Variants in KIAA1958 observed in about 807,000 individuals in gnomAD.
The protein encoded by KIAA1958 is uncharacterized protein KIAA1958.
A neutral mutation model predicts 47.2 loss-of-function variants in KIAA1958; 14 were observed. The ratio of observed to expected loss-of-function variants is 0.30; its 90% CI spans 0.20 to 0.46. The LOEUF (loss-of-function observed/expected upper bound fraction) is 0.46. Ranked by LOEUF, KIAA1958 falls within the 20% of genes least tolerant of loss-of-function variation. The pLI, the probability that KIAA1958 is intolerant of heterozygous loss-of-function variation, is 1.00. For missense variants in KIAA1958, 803 were observed against 909.2 expected, an observed-to-expected ratio of 0.88 and a Z score of 1.50; for synonymous variants, 354 against 353.3, an observed-to-expected ratio of 1.00 and a Z score of -0.02.
chr9:112,642,916 CTTTA>C (rs1237268899), intron 2 of KIAA1958, among the ~76,000 whole-genome samples: 2 of 152,096 alleles, frequency 1.3e-5, no homozygotes, highest in Non-Finnish European at 2.9e-5. Flanking sequence ...GATAAGTATT[CTTTA>C]TTTGTTTCAC....
At chr9:112,510,893 T>TG (rs1425326264) in intron 1 of KIAA1958, among the ~76,000 whole-genome samples, 1 of 152,016 alleles carries the variant, frequency 6.6e-6, no homozygotes, top group Non-Finnish European at 1.5e-5. Flanking sequence ...TGTAACTATA[T>TG]GGGGAGAACA....
chr9:112,521,107 G>A (rs1024428831), intron 1 of KIAA1958, among the ~76,000 whole-genome samples: 6 of 151,956 alleles, frequency 3.9e-5, no homozygotes, highest in Admixed American at 3.9e-4. Flanking sequence ...TCTAATAAAG[G>A]CATGTAAGAC....
chr9:112,574,076 G>T lies in KIAA1958; in HGVS notation c.-5G>T. On this transcript the variant is annotated 5_prime_UTR_variant, in exon 2 of 4. Coordinates refer to ENST00000337530, the MANE Select transcript of KIAA1958 (RefSeq NM_133465.4). Reference sequence around the variant, plus strand: ...CTTTAGGAGTGACACTGCTGATCCTGTAACATGGAGGATTGTCTTCATACC... The same window carrying T: ...CTTTAGGAGTGACACTGCTGATCCTTTAACATGGAGGATTGTCTTCATACC... 6.4e-7 allele frequency: 1 copy of T among 1,561,788 alleles called. No individual in the cohort carries two copies. The highest frequency in any genetic ancestry group is 8.7e-7 in the Non-Finnish European group (1 of 1,148,106).
At chr9:112,606,385 T>G (rs1032353633) in intron 2 of KIAA1958, among the ~76,000 whole-genome samples, 3 of 152,234 alleles carry the variant, frequency 2.0e-5, no homozygotes, top group African/African-American at 4.8e-5. Flanking sequence ...AAAAAAAATT[T>G]GTACTTGCAT....
At chr9:112,506,603 G>A (rs567878639) in intron 1 of KIAA1958, among the ~76,000 whole-genome samples, 5 of 152,172 alleles carry the variant, frequency 3.3e-5, no homozygotes, top group Admixed American at 2.6e-4. Flanking sequence ...ACAAGGTTCC[G>A]TTACTTTTTT....
In KIAA1958 at chr9:112,575,268, G is replaced by C; in HGVS notation, c.1171+17G>C. ...GCATACCAGGTATGGCACATGAGGC[G>C]ACAGTGAGTCCCTCATCCACGCACG... On this transcript the variant is annotated intron_variant, in intron 2 of 3. Transcript: ENST00000337530. 1 of 1,477,938 alleles carries C rather than the reference G, an allele frequency of 6.8e-7. No homozygotes were observed. The highest frequency in any genetic ancestry group is 9.0e-7 in the Non-Finnish European group (1 of 1,109,344). The allele number at this position is 1,477,938 out of a possible 1,614,324, so 91.6% of individuals were successfully genotyped here.
At chr9:112,600,368 A>G (rs1035422084) in intron 2 of KIAA1958, among the ~76,000 whole-genome samples, 4 of 152,158 alleles carry the variant, frequency 2.6e-5, no homozygotes, top group African/African-American at 7.2e-5. Flanking sequence ...GTTAGGTCAC[A>G]CCTGCAATGT....
chr9:112,610,622 T>C (rs1757449582), intron 2 of KIAA1958, among the ~76,000 whole-genome samples: 1 of 152,104 alleles, frequency 6.6e-6, no homozygotes, highest in South Asian at 2.1e-4. Context: ...CTAGAAACTG[T>C]AAATTAACAA....
At chr9:112,628,035 G>T (rs528300860) in intron 2 of KIAA1958, among the ~76,000 whole-genome samples, 1 of 152,272 alleles carries the variant, frequency 6.6e-6, no homozygotes, top group African/African-American at 2.4e-5. Context: ...TAATATGGGA[G>T]GAATACCACT....
intron 2 of KIAA1958, among the ~76,000 whole-genome samples, chr9:112,623,928 A>T (rs1454592386): frequency 6.6e-6 from 1 of 152,194 alleles, no homozygotes; most frequent in African/African-American, 2.4e-5. Context: ...TTAATGTGAG[A>T]CAGACACTTC....
rs1166798183 is a variant in KIAA1958, at chr9:112,486,888, C to T, written c.-255C>T. The T allele has an allele frequency of 2.8e-5, 4 of 143,112 alleles. No individual in the cohort carries two copies. Among genetic ancestry groups the T allele is most frequent in the African/African-American group, 1.0e-4 (4 of 39,834 alleles). The allele number at this position is 143,112 out of a possible 1,614,324, so 8.9% of individuals were successfully genotyped here. ...GGAGCTCGGGGCGCACGGAGCGGCGCGCGGCGGTCGGCCGAGCCAGGCTGG... is the reference window on the plus strand; with the variant it reads ...GGAGCTCGGGGCGCACGGAGCGGCGTGCGGCGGTCGGCCGAGCCAGGCTGG... On this transcript the variant is annotated 5_prime_UTR_variant, in exon 1 of 4. Transcript: ENST00000337530.
chr9:112,564,171 C>T (rs991756668), intron 1 of KIAA1958, among the ~76,000 whole-genome samples: 1 of 152,300 alleles, frequency 6.6e-6, no homozygotes, highest in South Asian at 2.1e-4. Flanking sequence ...AGTGCTTTCT[C>T]TTCCCCCTAT....
rs147872428 is a variant in KIAA1958 at position 112,541,731 on chromosome 9, G to A, written c.-24-32326G>A. Among the ~76,000 whole-genome samples the A allele has an allele frequency of 3.9e-3, 589 of 152,202 alleles. 5 individuals are homozygous for A. Among genetic ancestry groups the A allele is most frequent in the Middle Eastern group, 0.014 (4 of 294 alleles). On this transcript the variant is annotated intron_variant, in intron 1 of 3. Coordinates refer to ENST00000337530, the MANE Select transcript of KIAA1958 (RefSeq NM_133465.4). ...CTGAGGATTCAATTGCTTGAACCCG[G>A]GAGGCAGAGGTTGCAGTGAACCGAA...
At chr9:112,563,079 C>T (rs1003475137) in intron 1 of KIAA1958, among the ~76,000 whole-genome samples, 1 of 75,920 alleles carries the variant, frequency 1.3e-5, no homozygotes, top group Admixed American at 1.5e-4. Flanking sequence ...CTCTCTCTCT[C>T]TCTCTCTATA....
intron 2 of KIAA1958, among the ~76,000 whole-genome samples, chr9:112,599,301 T>C (rs1426402743): frequency 6.6e-6 from 1 of 152,202 alleles, no homozygotes; most frequent in Non-Finnish European, 1.5e-5. Context: ...GTTTTCCTTA[T>C]GTGTATAGTG....
chr9:112,611,285 A>G (rs1564190072), intron 2 of KIAA1958, among the ~76,000 whole-genome samples: 1 of 152,140 alleles, frequency 6.6e-6, no homozygotes. Flanking sequence ...AAGTGATAAA[A>G]TTACCATTTT....
chr9:112,644,811 T>C (rs1015409663), intron 2 of KIAA1958, among the ~76,000 whole-genome samples: 7 of 151,990 alleles, frequency 4.6e-5, no homozygotes, highest in African/African-American at 1.7e-4. Context: ...CCTCTCTCTA[T>C]GAATTTTGTG....
chr9:112,532,384 A>G (rs1297586388), intron 1 of KIAA1958, among the ~76,000 whole-genome samples: 1 of 152,068 alleles, frequency 6.6e-6, no homozygotes, highest in East Asian at 1.9e-4. Context: ...ATTCAAAGGG[A>G]CTTCTTTTTG....
intron 2 of KIAA1958, among the ~76,000 whole-genome samples, chr9:112,587,236 G>T (rs1047032072): frequency 6.6e-6 from 1 of 152,020 alleles, no homozygotes; most frequent in African/African-American, 2.4e-5. Context: ...TGCAACCCCC[G>T]CCTCCCAGGT....
Sources: gnomAD v4.1 joint callset for allele counts (sites outside exome capture counted in the v4.1 genomes callset) on GRCh38, gnomAD v4.1.1 for gene constraint, MANE v1.5 for transcripts, NCBI Gene and HGNC (gene_info 2026-07-23, HGNC 2026-07-21) for gene names.